Variants in EDA observed in about 807,000 individuals in gnomAD.
EDA encodes ectodysplasin-A.
A neutral mutation model predicts 23.6 loss-of-function variants in EDA; 2 were observed. That is an observed-to-expected ratio of 0.08 (90% CI 0.03 to 0.27). The LOEUF (loss-of-function observed/expected upper bound fraction) is 0.27. Among genes scored for constraint, EDA ranks in the 10% least tolerant of loss-of-function variants. The pLI is 1.00. For synonymous variants in EDA, 131 were observed against 132.0 expected (o/e 0.99, Z 0.05); for missense variants, 229 against 324.2 (o/e 0.71, Z 2.26).
At chrX:69,632,239 G>A (rs1932626342) in intron 1 of EDA, among the ~76,000 whole-genome samples, 1 of 111,601 alleles carries the variant, frequency 9.0e-6, no homozygotes, top group Non-Finnish European at 1.9e-5. Context: ...GCCATGTGAT[G>A]TATGGTCAAC....
intron 1 of EDA, among the ~76,000 whole-genome samples, chrX:69,921,440 T>C (rs761293938): frequency 1.8e-5 from 2 of 111,262 alleles, no homozygotes; most frequent in Middle Eastern, 9.3e-3. Context: ...CATGAGTTCA[T>C]ACTGATGTCC....
At chrX:69,809,727 G>T (rs2015898992) in intron 1 of EDA, among the ~76,000 whole-genome samples, 1 of 111,354 alleles carries the variant, frequency 9.0e-6, no homozygotes, top group Admixed American at 9.5e-5. Context: ...GTGATCTCCA[G>T]ATACAACTGT....
intron 1 of EDA, among the ~76,000 whole-genome samples, chrX:69,742,462 G>A (rs1569315035): frequency 3.6e-5 from 4 of 112,007 alleles, no homozygotes; most frequent in Non-Finnish European, 7.5e-5. Context: ...TGACATTGCT[G>A]TTACCAAAAT....
intron 1 of EDA, among the ~76,000 whole-genome samples, chrX:69,670,782 C>G (rs1181454816): frequency 9.0e-6 from 1 of 110,859 alleles, no homozygotes; most frequent in Non-Finnish European, 1.9e-5. Context: ...ATATCTATCT[C>G]TTTGTTGAAT....
chrX:69,822,692 TTTAA>T (rs1348578756), intron 1 of EDA, among the ~76,000 whole-genome samples: 2 of 111,579 alleles, frequency 1.8e-5, no homozygotes, highest in African/African-American at 6.5e-5. Context: ...ATTCTATTTT[TTTAA>T]TTTATTTATT....
chrX:69,992,454 T>A (rs1337138439), intron 2 of EDA, among the ~76,000 whole-genome samples: 1 of 112,424 alleles, frequency 8.9e-6, no homozygotes, highest in Admixed American at 9.4e-5. Context: ...TGAGATCCAC[T>A]CATTTTGGTA....
chrX:69,692,516 A>G (rs908229988), intron 1 of EDA, among the ~76,000 whole-genome samples: 1 of 111,904 alleles, frequency 8.9e-6, no homozygotes, highest in African/African-American at 3.2e-5. Context: ...TAGCTAGCTA[A>G]CACACGTCAT....
At chrX:69,648,990 G>A (rs1456772328) in intron 1 of EDA, among the ~76,000 whole-genome samples, 1 of 111,448 alleles carries the variant, frequency 9.0e-6, no homozygotes, top group Non-Finnish European at 1.9e-5. Flanking sequence ...GCTTCCCTTG[G>A]CTGGGGGTGG....
At chrX:69,643,869 T>C (rs1016402648) in intron 1 of EDA, among the ~76,000 whole-genome samples, 7 of 111,862 alleles carry the variant, frequency 6.3e-5, no homozygotes, top group African/African-American at 2.3e-4. Context: ...TAGGGAATCG[T>C]TTCCCCATTG....
chrX:69,853,920 G>A (rs2017189455), intron 1 of EDA, among the ~76,000 whole-genome samples: 1 of 111,497 alleles, frequency 9.0e-6, no homozygotes, highest in Non-Finnish European at 1.9e-5. Flanking sequence ...TAGCTCAAGG[G>A]TCACACCGAA....
At position 69,893,845 on chromosome X, in the gene EDA, A is replaced by T. The variant is rs368161730; in HGVS notation, c.397-63182A>T. On this transcript the variant is annotated intron_variant, in intron 1 of 7. Coordinates refer to ENST00000374552, the MANE Select transcript of EDA (RefSeq NM_001399.5). ...ACTAAATTGCTGTGTTTTCCTGGGC[A>T]AGTCCCATCCTCTCTCTGGATTTCA... is the stretch of plus-strand genomic sequence containing the variant. 1.2e-4 allele frequency among the ~76,000 whole-genome samples: 14 copies of T among 112,238 alleles called. No homozygotes were observed. In the South Asian group the frequency reaches 5.2e-3, roughly 41 times the overall value.
At chrX:69,733,030 T>A (rs1461931184) in intron 1 of EDA, among the ~76,000 whole-genome samples, 1 of 108,710 alleles carries the variant, frequency 9.2e-6, no homozygotes, top group Non-Finnish European at 1.9e-5. Flanking sequence ...ATTGTAAAAA[T>A]TTTCTCCCAC....
intron 1 of EDA, among the ~76,000 whole-genome samples, chrX:69,681,639 C>T (rs1183060043): frequency 9.0e-6 from 1 of 110,884 alleles, no homozygotes; most frequent in African/African-American, 3.3e-5. Flanking sequence ...CTGCATTCTT[C>T]ACGTAGTTCT....
chrX:69,646,462 G>A (rs1932930031), intron 1 of EDA, among the ~76,000 whole-genome samples: 1 of 111,238 alleles, frequency 9.0e-6, no homozygotes, highest in Non-Finnish European at 1.9e-5. Context: ...TTTGATCTTT[G>A]TTGATTTAAA....
intron 1 of EDA, among the ~76,000 whole-genome samples, chrX:69,956,683 A>G (rs1326768312): frequency 9.0e-6 from 1 of 111,541 alleles, no homozygotes; most frequent in Non-Finnish European, 1.9e-5. Context: ...TTCAACTCAA[A>G]TTCTGAGTGA....
At position 69,659,485 on chromosome X, in the gene EDA, G is replaced by A. The variant is rs377677501; in HGVS notation, c.396+42781G>A. Among the ~76,000 whole-genome samples the A allele has an allele frequency of 2.7e-5, 3 of 111,582 alleles. No homozygotes were observed. In the East Asian group the frequency reaches 8.4e-4, roughly 31 times the overall value. On this transcript the variant is annotated intron_variant, in intron 1 of 7. Transcript: ENST00000374552. Reference sequence around the variant, plus strand: ...AAATCATAAATATAATCAACAATGTGACATGAAAGCAAAGATATAGGAACT... The same window carrying A: ...AAATCATAAATATAATCAACAATGTAACATGAAAGCAAAGATATAGGAACT...
chrX:69,939,735 C>T (rs2018729185), intron 1 of EDA, among the ~76,000 whole-genome samples: 1 of 111,319 alleles, frequency 9.0e-6, no homozygotes, highest in South Asian at 3.8e-4. Flanking sequence ...TTATATATGG[C>T]TTTTATTGTA....
chrX:69,747,275 G>A (rs1169490476), intron 1 of EDA, among the ~76,000 whole-genome samples: 3 of 111,918 alleles, frequency 2.7e-5, no homozygotes, highest in Non-Finnish European at 5.6e-5. Context: ...AGATGAGAAG[G>A]AACTAGCCAC....
At chrX:69,956,472 G>A (rs897547025) in intron 1 of EDA, among the ~76,000 whole-genome samples, 2 of 107,838 alleles carry the variant, frequency 1.9e-5, no homozygotes, top group Non-Finnish European at 3.8e-5. Context: ...CTCCCCAGTA[G>A]CTGGGATTAT....
Sources: allele counts gnomAD v4.1 joint callset (sites outside exome capture counted in the v4.1 genomes callset), GRCh38; gene constraint gnomAD v4.1.1; transcripts MANE v1.5; gene names NCBI Gene and HGNC (gene_info 2026-07-23, HGNC 2026-07-21).